The following LUZP1 variants were observed in gnomAD, a reference collection of about 807,000 sequenced individuals.
LUZP1 encodes filamin mechanobinding actin cross-linking protein.
In LUZP1, 25 loss-of-function variants were observed where a neutral mutation model predicts 71.3. The ratio of observed to expected loss-of-function variants is 0.35; its 90% CI spans 0.26 to 0.49. The LOEUF (loss-of-function observed/expected upper bound fraction) is 0.49, where lower values mean the gene tolerates loss of function less well. Ranked by LOEUF, LUZP1 falls within the 20% of genes least tolerant of loss-of-function variation. LUZP1 has a pLI of 0.99. For missense variants in LUZP1, 1,142 were observed against 1,300.8 expected (o/e 0.88, Z 1.88); for synonymous variants, 481 against 506.4 (o/e 0.95, Z 0.67).
chr1:23,154,078 AG>A (rs1306333030), intron 2 of LUZP1, among the ~76,000 whole-genome samples: 22 of 152,346 alleles, frequency 1.4e-4, no homozygotes, highest in Non-Finnish European at 2.4e-4. Context: ...CCAGACTAAA[AG>A]GCTACAGACT....
chr1:23,105,544 A>G (rs965963788), intron 3 of LUZP1, among the ~76,000 whole-genome samples: 1 of 152,224 alleles, frequency 6.6e-6, no homozygotes, highest in Non-Finnish European at 1.5e-5. Context: ...GTATGTGTAA[A>G]TAAGTTAATG....
At position 23,160,235 on chromosome 1, in the gene LUZP1, C is replaced by T. The variant is rs147796506; in HGVS notation, c.-226+8531G>A. Among the ~76,000 whole-genome samples, 380 of 152,304 alleles carry T rather than the reference C, an allele frequency of 2.5e-3. 3 individuals are homozygous for T. The highest frequency in any genetic ancestry group is 8.3e-3 in the African/African-American group (346 of 41,542). On this transcript the variant is annotated intron_variant, in intron 2 of 4. Coordinates refer to ENST00000302291, the Ensembl canonical transcript of LUZP1. ...GCCTTTAACACAAGAGGAAGAGTAACTACTGAGAGAGCTTACCCATCAGAC... is the reference window on the plus strand; with the variant it reads ...GCCTTTAACACAAGAGGAAGAGTAATTACTGAGAGAGCTTACCCATCAGAC...
chr1:23,101,409 T>C (rs1307902212), intron 3 of LUZP1, among the ~76,000 whole-genome samples: 1 of 152,218 alleles, frequency 6.6e-6, no homozygotes, highest in Non-Finnish European at 1.5e-5. Context: ...GCAAGGACAG[T>C]CAGAGTGAAT....
At chr1:23,153,202 C>A (rs1420979684) in intron 2 of LUZP1, among the ~76,000 whole-genome samples, 1 of 152,140 alleles carries the variant, frequency 6.6e-6, no homozygotes, top group Admixed American at 6.5e-5. Flanking sequence ...TTATCTCCTT[C>A]CTAGTCCATA....
chr1:23,150,862 G>C (rs569115026), intron 2 of LUZP1, among the ~76,000 whole-genome samples: 8 of 152,146 alleles, frequency 5.3e-5, no homozygotes, highest in Non-Finnish European at 1.0e-4. Flanking sequence ...CATTTGCCAA[G>C]ACTAGCAAGT....
intron 2 of LUZP1, among the ~76,000 whole-genome samples, chr1:23,110,736 T>TA (rs1250959091): frequency 6.6e-6 from 1 of 152,172 alleles, no homozygotes; most frequent in Non-Finnish European, 1.5e-5. Flanking sequence ...GAGAGTTTTT[T>TA]AAAAACAGCT....
In LUZP1 at chr1:23,099,230, A is replaced by C. The variant is rs1303761808; in HGVS notation, c.-119-4850T>G. Among the ~76,000 whole-genome samples, 3 of 152,254 alleles carry C rather than the reference A, an allele frequency of 2.0e-5. No individual in the cohort carries two copies. In the East Asian group the frequency reaches 5.8e-4, roughly 29 times the overall value. On this transcript the variant is annotated intron_variant, in intron 3 of 4. Transcript: ENST00000302291. Reference sequence around the variant, plus strand: ...CCAGTGGTACAATTAAAATCTTGTCAATGTATACACAGGGTTGGTTTGGGA... The same window carrying C: ...CCAGTGGTACAATTAAAATCTTGTCCATGTATACACAGGGTTGGTTTGGGA...
chr1:23,155,857 G>T (rs576942646), intron 2 of LUZP1, among the ~76,000 whole-genome samples: 1 of 152,118 alleles, frequency 6.6e-6, no homozygotes, highest in African/African-American at 2.4e-5. Context: ...TCACTAAAAT[G>T]GCCTAAATCA....
intron 2 of LUZP1, among the ~76,000 whole-genome samples, chr1:23,165,515 T>TA (rs555696974): frequency 4.7e-4 from 68 of 145,520 alleles, no homozygotes; most frequent in Admixed American, 4.1e-4. Context: ...TCTCTATAAA[T>TA]AAAAAAAAAA....
At chr1:23,120,776 T>C (rs944930516) in intron 2 of LUZP1, among the ~76,000 whole-genome samples, 1 of 152,176 alleles carries the variant, frequency 6.6e-6, no homozygotes, top group African/African-American at 2.4e-5. Flanking sequence ...GTTGAAGAAA[T>C]TGAGGCTCAT....
chr1:23,128,774 G>A (rs1644192162), intron 2 of LUZP1, among the ~76,000 whole-genome samples: 1 of 152,146 alleles, frequency 6.6e-6, no homozygotes, highest in Non-Finnish European at 1.5e-5. Context: ...CCTCATTGTG[G>A]GGGAGGGACA....
At chr1:23,160,044 G>C (rs1644452142) in intron 2 of LUZP1, among the ~76,000 whole-genome samples, 1 of 152,146 alleles carries the variant, frequency 6.6e-6, no homozygotes, top group Non-Finnish European at 1.5e-5. Flanking sequence ...TTCTGATGTA[G>C]TTTCATCAGA....
intron 2 of LUZP1, among the ~76,000 whole-genome samples, chr1:23,139,869 G>C (rs1271841496): frequency 6.6e-6 from 1 of 151,776 alleles, no homozygotes; most frequent in Non-Finnish European, 1.5e-5. Flanking sequence ...AGGATCACTT[G>C]AGCCTGGGAG....
chr1:23,177,172 T>C (rs1285669273), intron 1 of LUZP1, among the ~76,000 whole-genome samples: 2 of 152,150 alleles, frequency 1.3e-5, no homozygotes, highest in Non-Finnish European at 1.5e-5. Context: ...ATTACAGGCA[T>C]GAGCCACCAT....
At chr1:23,087,523 G>C (rs1184324086) in exon 5 of LUZP1, 1 of 152,498 alleles carries the variant, frequency 6.6e-6, no homozygotes, top group African/African-American at 2.4e-5. Flanking sequence ...AAGCCATGGG[G>C]AAAAAAATCC....
In LUZP1 at chr1:23,168,861, A is replaced by AG. The variant is rs1259535884; in HGVS notation, c.-322dup. The AG allele has an allele frequency of 6.6e-6, 1 of 152,216 alleles. No individual in the cohort carries two copies. The highest frequency in any genetic ancestry group is 6.5e-5 in the Admixed American group (1 of 15,278). 9.4% of individuals were successfully genotyped at this position (152,216 alleles called of 1,614,324 possible). A position where few individuals can be genotyped will look rare whatever the true frequency, so the allele number is the denominator to read the frequency against. On this transcript the variant is annotated 5_prime_UTR_variant, in exon 2 of 5. Coordinates refer to ENST00000302291, the Ensembl canonical transcript of LUZP1. ...CTCTGGCTCCGCGGGACTGACAATGAGGGGCGGGGCCAAATTGTGACGTCA... is the reference window on the plus strand; with the variant it reads ...CTCTGGCTCCGCGGGACTGACAATGAGGGGGCGGGGCCAAATTGTGACGTCA...
chr1:23,116,372 T>C (rs1236404017), intron 2 of LUZP1, among the ~76,000 whole-genome samples: 3 of 152,146 alleles, frequency 2.0e-5, no homozygotes, highest in African/African-American at 4.8e-5. Context: ...CACTGTTTCA[T>C]TGGCCAGGCA....
chr1:23,130,987 G>C lies in LUZP1; in HGVS notation c.-225-21860C>G, dbSNP rs569221731. ...AATCCCAGCACTTTGGGAGGCAGAGGTGGGCAGATCACCTGAGGTCAGGAG... is the reference window on the plus strand; with the variant it reads ...AATCCCAGCACTTTGGGAGGCAGAGCTGGGCAGATCACCTGAGGTCAGGAG... On this transcript the variant is annotated intron_variant, in intron 2 of 4. Coordinates refer to ENST00000302291, the Ensembl canonical transcript of LUZP1. Among the ~76,000 whole-genome samples the C allele has an allele frequency of 1.4e-4, 22 of 152,082 alleles. 1 individual carries two copies. Among genetic ancestry groups the C allele is most frequent in the African/African-American group, 5.1e-4 (21 of 41,462 alleles).
Position 23,163,200 on chromosome 1 carries a change from A to G in LUZP1, c.-226+5566T>C, listed in dbSNP as rs961451088. On this transcript the variant is annotated intron_variant, in intron 2 of 4. Transcript: ENST00000302291. ...AGTTGCAATGAGCCGAGATCACACC[A>G]CTTCACTCCAGCCTGGGTGACAGGG... is the stretch of plus-strand genomic sequence containing the variant. 2.1e-5 allele frequency among the ~76,000 whole-genome samples: 3 copies of G among 142,870 alleles called. No individual in the cohort carries two copies. The Admixed American group carries it at 2.3e-4, about 11-fold the overall frequency. The allele number at this position is 142,870 out of a possible 152,430, so 93.7% of individuals were successfully genotyped here. A position where few individuals can be genotyped will look rare whatever the true frequency, so the allele number is the denominator to read the frequency against.
Sources: allele counts gnomAD v4.1 joint callset (sites outside exome capture counted in the v4.1 genomes callset), GRCh38; gene constraint gnomAD v4.1.1; transcripts MANE v1.5; gene names NCBI Gene and HGNC (gene_info 2026-07-23, HGNC 2026-07-21).